The following SYT17 variants were observed in gnomAD, a reference collection of about 807,000 sequenced individuals.
SYT17 encodes synaptotagmin 17.
In SYT17, 22 loss-of-function variants were observed where a neutral mutation model predicts 46.7. The observed-to-expected ratio is 0.47, with a 90% confidence interval of 0.34 to 0.67. SYT17 has a LOEUF of 0.67. SYT17 is among the 30% of genes least tolerant of loss of function. SYT17 has a pLI of 0.01. For synonymous variants in SYT17, 251 were observed against 248.4 expected (o/e 1.01, Z -0.10); for missense variants, 519 against 612.8 (o/e 0.85, Z 1.62).
intron 7 of SYT17, among the ~76,000 whole-genome samples, chr16:19,233,830 G>A (rs1966789641): frequency 6.6e-6 from 1 of 152,056 alleles, no homozygotes. Context: ...TTGTTCCAGG[G>A]CACAGATGCT....
rs57120408 is a variant in SYT17 at position 19,256,437 on chromosome 16, A to AACACACACACACAC, written c.1229-10412_1229-10399dup. On this transcript the variant is annotated intron_variant, in intron 7 of 7. Transcript: ENST00000355377. The stretch of plus-strand genomic sequence containing the variant: ...TGGTTGAGGTTTTAACCCCTCTTCA[A>AACACACACACACAC]ACACACACACACACACACACACACA... Among the ~76,000 whole-genome samples the AACACACACACACAC allele has an allele frequency of 5.1e-3, 664 of 129,014 alleles. 14 individuals are homozygous for AACACACACACACAC. Among genetic ancestry groups the AACACACACACACAC allele is most frequent in the East Asian group, 0.016 (70 of 4,386 alleles). The allele number at this position is 129,014 out of a possible 152,430, so 84.6% of individuals were successfully genotyped here. A position where few individuals can be genotyped will look rare whatever the true frequency, so the allele number is the denominator to read the frequency against.
At chr16:19,202,317 C>T (rs956289317) in intron 5 of SYT17, among the ~76,000 whole-genome samples, 14 of 152,206 alleles carry the variant, frequency 9.2e-5, no homozygotes, top group Admixed American at 2.0e-4. Context: ...CTCAGGAAAG[C>T]ACTTTACTTA....
chr16:19,237,564 T>C (rs903680919), intron 7 of SYT17, among the ~76,000 whole-genome samples: 2 of 152,236 alleles, frequency 1.3e-5, no homozygotes, highest in Admixed American at 1.3e-4. Context: ...TAGAAATTTC[T>C]GCATAATCCA....
chr16:19,179,095 G>C (rs62027695), intron 3 of SYT17, among the ~76,000 whole-genome samples: 51,028 of 151,674 alleles, frequency 0.34, 8,984 homozygotes, highest in Non-Finnish European at 0.38. Context: ...GTATTGAGCA[G>C]CTGTTTACTA....
chr16:19,227,955 A>T (rs1246044100), intron 7 of SYT17, among the ~76,000 whole-genome samples: 6 of 152,202 alleles, frequency 3.9e-5, no homozygotes, highest in African/African-American at 9.7e-5. Flanking sequence ...CCTTCAGATC[A>T]ATATGAATAC....
intron 5 of SYT17, chr16:19,211,306 C>T (rs1965890560): frequency 7.6e-6 from 5 of 659,392 alleles, no homozygotes; most frequent in African/African-American, 3.6e-5. Flanking sequence ...GGTGGAACAT[C>T]GTGCTGACAA....
intron 5 of SYT17, among the ~76,000 whole-genome samples, chr16:19,194,584 G>A (rs1295875872): frequency 6.6e-6 from 1 of 152,088 alleles, no homozygotes; most frequent in Non-Finnish European, 1.5e-5. Context: ...TTGTTATTTC[G>A]TGTTGGTATC....
intron 5 of SYT17, among the ~76,000 whole-genome samples, chr16:19,222,300 T>G (rs1240860479): frequency 1.3e-5 from 2 of 151,996 alleles, no homozygotes; most frequent in African/African-American, 2.4e-5. Context: ...ACAATACTTT[T>G]TTTTTTAAAA....
At chr16:19,265,796 G>A (rs993344654) in intron 7 of SYT17, among the ~76,000 whole-genome samples, 3 of 152,306 alleles carry the variant, frequency 2.0e-5, no homozygotes, top group Admixed American at 1.3e-4. Context: ...CAAGTTAACC[G>A]TCTCATTAGG....
At chr16:19,202,393 A>C (rs931228179) in intron 5 of SYT17, among the ~76,000 whole-genome samples, 2 of 152,256 alleles carry the variant, frequency 1.3e-5, no homozygotes, top group African/African-American at 4.8e-5. Flanking sequence ...GCATAGGGCA[A>C]GGCATGAGGC....
intron 7 of SYT17, among the ~76,000 whole-genome samples, chr16:19,255,299 C>T (rs551118907): frequency 6.6e-6 from 1 of 152,250 alleles, no homozygotes; most frequent in South Asian, 2.1e-4. Flanking sequence ...AGGTTTTCTA[C>T]CTCCACACTT....
intron 3 of SYT17, among the ~76,000 whole-genome samples, chr16:19,176,129 A>G (rs936116366): frequency 6.6e-6 from 1 of 152,172 alleles, no homozygotes; most frequent in Non-Finnish European, 1.5e-5. Context: ...AAATCATGTC[A>G]TCAGAGCCTT....
At chr16:19,220,286 C>T (rs182946544) in intron 5 of SYT17, among the ~76,000 whole-genome samples, 24 of 102,116 alleles carry the variant, frequency 2.4e-4, no homozygotes, top group Admixed American at 8.9e-4. Flanking sequence ...TATTCAATGA[C>T]ATTTCTTTCT....
rs1968203353 is a variant in SYT17 at position 19,252,458 on chromosome 16, CATATATATATACAT to C, written c.1229-14412_1229-14399del. Among the ~76,000 whole-genome samples the C allele has an allele frequency of 8.6e-4, 5 of 5,802 alleles. 2 individuals carry two copies. The highest frequency in any genetic ancestry group is 1.2e-3 in the Non-Finnish European group (5 of 4,118). 3.8% of individuals were successfully genotyped at this position (5,802 alleles called of 152,430 possible). On this transcript the variant is annotated intron_variant, in intron 7 of 7. Coordinates refer to ENST00000355377, the MANE Select transcript of SYT17 (RefSeq NM_016524.4). ...ATATACATATATATACACATATATA[CATATATATATACAT>C]ATATATATACATATATATATACATA...
At chr16:19,256,646 A>T (rs187214281) in intron 7 of SYT17, among the ~76,000 whole-genome samples, 1 of 151,884 alleles carries the variant, frequency 6.6e-6, no homozygotes, top group Non-Finnish European at 1.5e-5. Flanking sequence ...TGGTATGATC[A>T]TGCCTCACTG....
intron 7 of SYT17, among the ~76,000 whole-genome samples, chr16:19,251,574 T>C (rs1968071705): frequency 6.6e-6 from 1 of 152,100 alleles, no homozygotes; most frequent in African/African-American, 2.4e-5. Context: ...CAGGCAACCT[T>C]GTCAGTGGGG....
intron 5 of SYT17, among the ~76,000 whole-genome samples, chr16:19,187,518 T>A (rs963873338): frequency 6.6e-6 from 1 of 152,210 alleles, no homozygotes; most frequent in Non-Finnish European, 1.5e-5. Flanking sequence ...AAGTTTTAAA[T>A]GATGGAATCC....
At chr16:19,260,503 C>CAA (rs58392770) in intron 7 of SYT17, among the ~76,000 whole-genome samples, 3,204 of 76,016 alleles carry the variant, frequency 0.042, 205 homozygotes, top group Non-Finnish European at 0.068. Context: ...GACCTTGTCT[C>CAA]AAAAAAAAAA....
intron 7 of SYT17, among the ~76,000 whole-genome samples, chr16:19,239,706 G>A (rs567638995): frequency 2.4e-4 from 36 of 152,256 alleles, no homozygotes; most frequent in African/African-American, 8.7e-4. Context: ...TTTTCTGGCC[G>A]GAAACCACTG....
Sources: allele counts gnomAD v4.1 joint callset (sites outside exome capture counted in the v4.1 genomes callset), GRCh38; gene constraint gnomAD v4.1.1; transcripts MANE v1.5; gene names NCBI Gene and HGNC (gene_info 2026-07-23, HGNC 2026-07-21).